The following LRRC4C variants were observed in gnomAD, a reference collection of about 807,000 sequenced individuals.
The protein encoded by LRRC4C is leucine rich repeat containing 4C, also known as leucine-rich repeat-containing protein 4C.
LRRC4C carries 5 observed loss-of-function variants against 33.6 expected under a neutral mutation model. That is an observed-to-expected ratio of 0.15 (90% confidence interval 0.08 to 0.31). LRRC4C has a LOEUF of 0.31. Among genes scored for constraint, LRRC4C ranks in the 10% least tolerant of loss-of-function variants. LRRC4C has a pLI of 1.00. For synonymous variants in LRRC4C, 329 were observed against 302.0 expected, an observed-to-expected ratio of 1.09 and a Z score of -0.93; for missense variants, 560 against 796.7, an observed-to-expected ratio of 0.70 and a Z score of 3.58.
chr11:40,655,035 T>C (rs974637424), intron 2 of LRRC4C, among the ~76,000 whole-genome samples: 6 of 152,192 alleles, frequency 3.9e-5, no homozygotes, highest in African/African-American at 1.2e-4. Flanking sequence ...TCCCCAGCCA[T>C]GCAGAAATGT....
chr11:41,173,258 G>T (rs866687870), intron 1 of LRRC4C, among the ~76,000 whole-genome samples: 1 of 152,210 alleles, frequency 6.6e-6, no homozygotes, highest in Middle Eastern at 3.4e-3. Flanking sequence ...CTAACCCGCA[G>T]CTCTTTGTAG....
intron 5 of LRRC4C, among the ~76,000 whole-genome samples, chr11:40,169,302 C>G (rs566234519): frequency 3.7e-4 from 57 of 152,212 alleles, no homozygotes; most frequent in African/African-American, 1.3e-3. Context: ...CAACATTATT[C>G]TATCAGGGTG....
intron 1 of LRRC4C, among the ~76,000 whole-genome samples, chr11:41,023,084 A>G (rs889915181): frequency 1.4e-4 from 21 of 151,998 alleles, no homozygotes; most frequent in Admixed American, 1.4e-3. Flanking sequence ...TTATTGAAAA[A>G]TAAAATAAAT....
chr11:40,257,540 A>C (rs1234098492), intron 4 of LRRC4C, among the ~76,000 whole-genome samples: 1 of 152,154 alleles, frequency 6.6e-6, no homozygotes, highest in Non-Finnish European at 1.5e-5. Context: ...CGCTTGATGC[A>C]GCCCCGAAGA....
chr11:41,295,713 G>A (rs2137040058), intron 1 of LRRC4C, among the ~76,000 whole-genome samples: 1 of 151,642 alleles, frequency 6.6e-6, no homozygotes, highest in Non-Finnish European at 1.5e-5. Context: ...ATCATATCAT[G>A]TCTTATATTA....
chr11:40,756,809 T>A (rs1948972518), intron 2 of LRRC4C, among the ~76,000 whole-genome samples: 1 of 152,064 alleles, frequency 6.6e-6, no homozygotes, highest in Non-Finnish European at 1.5e-5. Flanking sequence ...TCTAACTATT[T>A]GAAAACCAAT....
intron 1 of LRRC4C, among the ~76,000 whole-genome samples, chr11:40,966,785 TTTTC>T (rs1387732100): frequency 6.6e-6 from 1 of 152,034 alleles, no homozygotes; most frequent in East Asian, 1.9e-4. Flanking sequence ...TTGTCCTTTC[TTTTC>T]TTTCTTTTTC....
At chr11:40,193,252 G>A (rs1476862560) in intron 5 of LRRC4C, among the ~76,000 whole-genome samples, 2 of 152,162 alleles carry the variant, frequency 1.3e-5, no homozygotes, top group African/African-American at 2.4e-5. Flanking sequence ...GCTTCCAGAG[G>A]AGGAAGCAGG....
In LRRC4C at chr11:41,404,490, G is replaced by GTT. The variant is rs1482628476; in HGVS notation, c.-496+54940_-496+54941insAA. Among the ~76,000 whole-genome samples, 65 of 145,450 alleles carry GTT rather than the reference G, an allele frequency of 4.5e-4. 1 individual carries two copies. Among genetic ancestry groups the GTT allele is most frequent in the Non-Finnish European group, 9.5e-4 (63 of 66,066 alleles). Reference sequence around the variant, plus strand: ...GCTATGTGTGTGTGTGTCTGTGTGTGTGTGTGTATACACACAGACACACAC... The same window carrying GTT: ...GCTATGTGTGTGTGTGTCTGTGTGTGTTTGTGTGTATACACACAGACACACAC... On this transcript the variant is annotated intron_variant, in intron 1 of 6. Transcript: ENST00000528697.
chr11:40,552,000 G>T (rs1255910516), intron 3 of LRRC4C, among the ~76,000 whole-genome samples: 1 of 152,180 alleles, frequency 6.6e-6, no homozygotes, highest in Non-Finnish European at 1.5e-5. Context: ...ATTCTTAAGA[G>T]AAAAAAGATT....
intron 3 of LRRC4C, among the ~76,000 whole-genome samples, chr11:40,511,726 T>C (rs912346304): frequency 3.0e-4 from 45 of 152,032 alleles, no homozygotes; most frequent in African/African-American, 9.2e-4. Context: ...AGAAGCAAGA[T>C]TGGAGAAGAG....
chr11:41,031,186 G>A (rs960694449), intron 1 of LRRC4C, among the ~76,000 whole-genome samples: 1 of 151,934 alleles, frequency 6.6e-6, no homozygotes, highest in Non-Finnish European at 1.5e-5. Context: ...TTTGTACAGT[G>A]TGGCTGAAAA....
intron 3 of LRRC4C, among the ~76,000 whole-genome samples, chr11:40,342,707 T>C (rs1284234803): frequency 1.3e-5 from 2 of 152,146 alleles, no homozygotes; most frequent in African/African-American, 4.8e-5. Context: ...ATGTGATCAG[T>C]TTTGTACTTT....
intron 1 of LRRC4C, among the ~76,000 whole-genome samples, chr11:41,115,942 C>T (rs1942098268): frequency 1.3e-5 from 2 of 152,172 alleles, no homozygotes; most frequent in South Asian, 2.1e-4. Context: ...TATGATTATC[C>T]TGTTCCAAAG....
intron 3 of LRRC4C, among the ~76,000 whole-genome samples, chr11:40,466,403 C>G (rs1952655162): frequency 6.6e-6 from 1 of 151,562 alleles, no homozygotes; most frequent in Admixed American, 6.6e-5. Context: ...CCTCGTAACC[C>G]CTAAATCTAT....
chr11:40,305,792 C>T (rs745385808), intron 4 of LRRC4C, among the ~76,000 whole-genome samples: 19 of 152,130 alleles, frequency 1.2e-4, no homozygotes, highest in African/African-American at 2.4e-4. Flanking sequence ...CATCAATAAC[C>T]GGTTACACCT....
chr11:40,761,402 C>T (rs777630076), intron 2 of LRRC4C, among the ~76,000 whole-genome samples: 3 of 152,092 alleles, frequency 2.0e-5, no homozygotes, highest in African/African-American at 7.2e-5. Context: ...TTGAGCAAGC[C>T]ACTTAATGAG....
chr11:40,970,668 A>G (rs1851664379), intron 1 of LRRC4C, among the ~76,000 whole-genome samples: 1 of 152,176 alleles, frequency 6.6e-6, no homozygotes, highest in African/African-American at 2.4e-5. Context: ...GAGGGCTCAG[A>G]GGAAGACAGG....
At chr11:41,212,504 T>C (rs1234592376) in intron 1 of LRRC4C, among the ~76,000 whole-genome samples, 1 of 152,238 alleles carries the variant, frequency 6.6e-6, no homozygotes, top group Non-Finnish European at 1.5e-5. Flanking sequence ...CCATGGTGGT[T>C]TGCTGCACAG....
Sources: allele counts gnomAD v4.1 joint callset (sites outside exome capture counted in the v4.1 genomes callset), GRCh38; gene constraint gnomAD v4.1.1; transcripts MANE v1.5; gene names NCBI Gene and HGNC (gene_info 2026-07-23, HGNC 2026-07-21).